SLC25A31: variants seen among roughly 807,000 people sequenced by gnomAD.
SLC25A31 encodes the protein ADP/ATP translocase 4.
In SLC25A31, 40 loss-of-function variants were observed where a neutral mutation model predicts 36.2. That is an observed-to-expected ratio of 1.10 (90% CI 0.86 to 1.44). The LOEUF is 1.44. Among genes scored for constraint, SLC25A31 ranks in the 40% most tolerant of loss-of-function variants. The pLI is 0.00. For missense variants in SLC25A31, 350 were observed against 397.1 expected (o/e 0.88, Z 1.01); for synonymous variants, 143 against 149.7 (o/e 0.96, Z 0.32).
chr4:127,736,399 T>G (rs1731634191), intron 1 of SLC25A31, among the ~76,000 whole-genome samples: 2 of 152,250 alleles, frequency 1.3e-5, no homozygotes, highest in South Asian at 4.1e-4. Flanking sequence ...TCACTATATT[T>G]TTCTCTACCA....
intron 2 of SLC25A31, among the ~76,000 whole-genome samples, chr4:127,758,624 A>G (rs1732074363): frequency 2.0e-5 from 3 of 152,160 alleles, no homozygotes; most frequent in Non-Finnish European, 1.5e-5. Flanking sequence ...TTAGTCTTTA[A>G]TTCATCTGGA....
At chr4:127,751,228 T>C (rs1395830132) in intron 2 of SLC25A31, among the ~76,000 whole-genome samples, 1 of 152,128 alleles carries the variant, frequency 6.6e-6, no homozygotes, top group African/African-American at 2.4e-5. Context: ...AACAGAGATA[T>C]AGACCAGTGG....
Position 127,773,552 on chromosome 4 carries a change from A to G in SLC25A31, c.926A>G (p.His309Arg), listed in dbSNP as rs754937230. 16 of 1,601,088 alleles carry G rather than the reference A, an allele frequency of 1.0e-5. No individual in the cohort carries two copies. The Admixed American group carries it at 2.8e-4, about 28-fold the overall frequency. ...TATGATAAAATTAAAGAATTCTTTC[A>G]TATTGATATTGGTGGTAGGTAATCG... The part of the protein sequence containing the change: ...VLYDKIKEFF[H>R]IDIGGR Residue 309 changes from histidine (H) to arginine (R), a missense_variant, in exon 6 of 6, where the codon CAT (histidine) becomes CGT (arginine). His to Arg is a conservative substitution (Grantham distance 29, BLOSUM62 0). Coordinates refer to ENST00000281154, the MANE Select transcript of SLC25A31 (RefSeq NM_031291.4).
intron 2 of SLC25A31, among the ~76,000 whole-genome samples, chr4:127,748,638 A>C (rs895886928): frequency 3.9e-5 from 6 of 152,204 alleles, no homozygotes; most frequent in African/African-American, 1.4e-4. Context: ...ATATGTGCTC[A>C]CTACAGTTTT....
intron 5 of SLC25A31, among the ~76,000 whole-genome samples, chr4:127,771,290 TTAG>T (rs1732354926): frequency 6.6e-6 from 1 of 152,102 alleles, no homozygotes; most frequent in Non-Finnish European, 1.5e-5. Flanking sequence ...TCATATTGGC[TTAG>T]GGTTCACTCT....
rs1299256248 is a variant in SLC25A31 at position 127,747,532 on chromosome 4, T to G, written c.360+2733T>G. Among the ~76,000 whole-genome samples, 4 of 152,318 alleles carry G rather than the reference T, an allele frequency of 2.6e-5. No individual in the cohort carries two copies. In the East Asian group the frequency reaches 7.7e-4, roughly 29 times the overall value. ...CTGATTAGCTGTATTCCTAGGTATT[T>G]TATTCTCTTTGTGACTGTATGAGGT... On this transcript the variant is annotated intron_variant, in intron 2 of 5. Coordinates refer to ENST00000281154, the MANE Select transcript of SLC25A31 (RefSeq NM_031291.4).
At chr4:127,771,168 G>A (rs147159109) in intron 5 of SLC25A31, among the ~76,000 whole-genome samples, 2,223 of 151,824 alleles carry the variant, frequency 0.015, 32 homozygotes, top group Non-Finnish European at 0.022. Context: ...TTTTGCCCAG[G>A]CTGGTCTCGA....
rs1731490274 is a variant in SLC25A31, at chr4:127,730,403, G to A, written c.-143G>A. 4 of 882,862 alleles carry A rather than the reference G, an allele frequency of 4.5e-6. No homozygotes were observed. The highest frequency in any genetic ancestry group is 2.7e-5 in the East Asian group (1 of 37,276). The allele number at this position is 882,862 out of a possible 1,614,324, so 54.7% of individuals were successfully genotyped here. On this transcript the variant is annotated 5_prime_UTR_variant, in exon 1 of 6. Transcript: ENST00000281154. ...GCAGCTTTTCCGCACGCGCCTCGCC[G>A]GCGCGCGGCTCTCTCAGCGTCCCAA...
At chr4:127,767,441 T>C (rs1341796996) in intron 4 of SLC25A31, among the ~76,000 whole-genome samples, 2 of 152,204 alleles carry the variant, frequency 1.3e-5, no homozygotes, top group Non-Finnish European at 2.9e-5. Flanking sequence ...TATCTAAGTT[T>C]TTGAGGTGTT....
At chr4:127,758,247 AT>A (rs1732066255) in intron 2 of SLC25A31, among the ~76,000 whole-genome samples, 1 of 151,940 alleles carries the variant, frequency 6.6e-6, no homozygotes, top group Non-Finnish European at 1.5e-5. Flanking sequence ...GATGTTGAAC[AT>A]TTTTTCATAT....
At chr4:127,752,295 C>A in intron 2 of SLC25A31, among the ~76,000 whole-genome samples, 1 of 152,026 alleles carries the variant, frequency 6.6e-6, no homozygotes, top group Non-Finnish European at 1.5e-5. Flanking sequence ...TGGAAACCAT[C>A]ATTCTCAGCA....
At chr4:127,752,117 T>A (rs1294011431) in intron 2 of SLC25A31, among the ~76,000 whole-genome samples, 1 of 152,240 alleles carries the variant, frequency 6.6e-6, no homozygotes, top group African/African-American at 2.4e-5. Context: ...GACACATGCA[T>A]ACGTATGTTT....
intron 2 of SLC25A31, among the ~76,000 whole-genome samples, chr4:127,745,277 A>C (rs1207287727): frequency 6.6e-6 from 1 of 150,914 alleles, no homozygotes; most frequent in East Asian, 2.0e-4. Context: ...GATAAATTTA[A>C]ACTAGAGAAT....
chr4:127,772,776 T>G (rs1732387704), intron 5 of SLC25A31, among the ~76,000 whole-genome samples: 2 of 149,742 alleles, frequency 1.3e-5, no homozygotes, highest in African/African-American at 4.9e-5. Context: ...TATGATTTCT[T>G]TTTTTTTTTC....
At chr4:127,732,577 A>G (rs1291564025) in intron 1 of SLC25A31, among the ~76,000 whole-genome samples, 1 of 152,212 alleles carries the variant, frequency 6.6e-6, no homozygotes, top group Non-Finnish European at 1.5e-5. Flanking sequence ...CTGGTCAGAT[A>G]GGGCTGACTA....
chr4:127,742,891 T>A (rs978600697), intron 1 of SLC25A31, among the ~76,000 whole-genome samples: 1 of 152,198 alleles, frequency 6.6e-6, no homozygotes, highest in African/African-American at 2.4e-5. Context: ...CCATTGGTTG[T>A]TAAGAGCATG....
intron 1 of SLC25A31, among the ~76,000 whole-genome samples, chr4:127,732,961 C>T (rs989275975): frequency 2.6e-5 from 4 of 152,196 alleles, no homozygotes; most frequent in African/African-American, 9.7e-5. Flanking sequence ...ATATGCAGGC[C>T]AGTCATACAT....
chr4:127,767,690 A>G (rs1034803607), intron 4 of SLC25A31, among the ~76,000 whole-genome samples: 6 of 146,040 alleles, frequency 4.1e-5, no homozygotes, highest in Non-Finnish European at 7.4e-5. Flanking sequence ...TCTGTGTTGT[A>G]TTCTCCAGGT....
In SLC25A31 at chr4:127,730,627, G is replaced by A. The variant is rs1731500713; in HGVS notation, c.82G>A (p.Gly28Arg). The A allele has an allele frequency of 6.2e-7, 1 of 1,613,918 alleles. No individual in the cohort carries two copies. Among genetic ancestry groups the A allele is most frequent in the Non-Finnish European group, 8.5e-7 (1 of 1,179,970 alleles). Residue 28 changes from glycine (G) to arginine (R), a missense_variant, in exon 1 of 6, where the codon GGA becomes AGA. Coordinates refer to ENST00000281154, the MANE Select transcript of SLC25A31 (RefSeq NM_031291.4). ...SSFGKDLLAG[G>R]VAAAVSKTAV... ...CTTCGGGAAGGACCTTCTGGCCGGC[G>A]GAGTCGCGGCAGCTGTGTCCAAGAC... is the stretch of plus-strand genomic sequence containing the variant.
Sources: gnomAD v4.1 joint callset for allele counts (sites outside exome capture counted in the v4.1 genomes callset) on GRCh38, gnomAD v4.1.1 for gene constraint, MANE v1.5 for transcripts, NCBI Gene and HGNC (gene_info 2026-07-23, HGNC 2026-07-21) for gene names.